The following MCTP2 variants were observed in gnomAD, a reference collection of about 807,000 sequenced individuals.
MCTP2 encodes multiple C2 and transmembrane domain-containing protein 2.
In MCTP2, 132 loss-of-function variants were observed where a neutral mutation model predicts 111.6. That is an observed-to-expected ratio of 1.18 (90% confidence interval 1.03 to 1.37). The LOEUF (loss-of-function observed/expected upper bound fraction) is 1.37. Ranked by LOEUF, MCTP2 falls within the 40% of genes most tolerant of loss-of-function variation. The probability of loss-of-function intolerance (pLI) is 0.00; values close to 1 mark genes in which losing one functional copy is unlikely to be tolerated. For missense variants in MCTP2, 1,183 were observed against 1,067.9 expected, an observed-to-expected ratio of 1.11 and a Z score of -1.50; for synonymous variants, 395 against 387.7, an observed-to-expected ratio of 1.02 and a Z score of -0.22.
intron 12 of MCTP2, among the ~76,000 whole-genome samples, chr15:94,382,853 C>G (rs1031489598): frequency 1.3e-5 from 2 of 152,258 alleles, no homozygotes; most frequent in Admixed American, 6.5e-5. Context: ...GTCCTACGGA[C>G]ATTACGGAGC....
At chr15:94,378,359 C>CA (rs776082411) in intron 12 of MCTP2, among the ~76,000 whole-genome samples, 192 of 139,394 alleles carry the variant, frequency 1.4e-3, no homozygotes, top group South Asian at 8.1e-3. Context: ...TGATGTCTAC[C>CA]AAAAAAAAAA....
At chr15:94,318,272 ATTTTTTTTTTT>A (rs199556945) in intron 4 of MCTP2, among the ~76,000 whole-genome samples, 2 of 143,130 alleles carry the variant, frequency 1.4e-5, no homozygotes, top group African/African-American at 5.2e-5. Context: ...CAAAAAAAAA[ATTTTTTTTTTT>A]TTTTTTTTTT....
chr15:94,413,132 A>G (rs1054406235), intron 17 of MCTP2, among the ~76,000 whole-genome samples: 1 of 152,334 alleles, frequency 6.6e-6, no homozygotes, highest in East Asian at 1.9e-4. Flanking sequence ...GAGTTTACTT[A>G]AAGATAGTCC....
At chr15:94,302,620 G>A (rs1456742975) in intron 2 of MCTP2, among the ~76,000 whole-genome samples, 3 of 152,188 alleles carry the variant, frequency 2.0e-5, no homozygotes, top group African/African-American at 7.2e-5. Flanking sequence ...ATGTCTCATA[G>A]GAACCTGGTT....
At chr15:94,271,513 C>T (rs1012253480) in intron 1 of MCTP2, among the ~76,000 whole-genome samples, 4 of 152,058 alleles carry the variant, frequency 2.6e-5, no homozygotes, top group African/African-American at 7.2e-5. Context: ...GGTGTAATTG[C>T]TCTTTGGATA....
At chr15:94,244,209 CACAT>C (rs1428685941) in intron 1 of MCTP2, among the ~76,000 whole-genome samples, 8 of 142,484 alleles carry the variant, frequency 5.6e-5, no homozygotes, top group Non-Finnish European at 1.1e-4. Context: ...CACGTGTATA[CACAT>C]ACATATGTGT....
Position 94,370,196 on chromosome 15 carries a change from A to G in MCTP2, c.1582+16A>G. On this transcript the variant is annotated intron_variant, in intron 12 of 22. Coordinates refer to ENST00000357742, the MANE Select transcript of MCTP2 (RefSeq NM_001385001.1). ...GATTTCTCAGGTACAGGACATTTTCATTTTCTAATTTATCTTTATTTATTT... is the reference window on the plus strand; with the variant it reads ...GATTTCTCAGGTACAGGACATTTTCGTTTTCTAATTTATCTTTATTTATTT... The G allele has an allele frequency of 6.3e-7, 1 of 1,575,208 alleles. No individual in the cohort carries two copies. Among genetic ancestry groups the G allele is most frequent in the Non-Finnish European group, 8.6e-7 (1 of 1,156,888 alleles).
chr15:94,233,818 A>C (rs928160629), intron 1 of MCTP2, among the ~76,000 whole-genome samples: 12 of 152,228 alleles, frequency 7.9e-5, no homozygotes, highest in African/African-American at 2.9e-4. Context: ...TGAGTGAAAA[A>C]TAGTACTCTG....
At chr15:94,261,483 A>G (rs1250259111) in intron 1 of MCTP2, among the ~76,000 whole-genome samples, 1 of 152,200 alleles carries the variant, frequency 6.6e-6, no homozygotes, top group Non-Finnish European at 1.5e-5. Context: ...TGTATAAAGT[A>G]GGGGCTTTTA....
At chr15:94,296,473 A>G (rs750364940) in intron 1 of MCTP2, among the ~76,000 whole-genome samples, 1 of 152,220 alleles carries the variant, frequency 6.6e-6, no homozygotes, top group Non-Finnish European at 1.5e-5. Context: ...TCTGTGTATT[A>G]GTCCATTCAG....
intron 4 of MCTP2, 94 bp downstream of exon 4, chr15:94,315,731 C>T (rs780700713): frequency 4.0e-5 from 36 of 901,930 alleles, no homozygotes; most frequent in Non-Finnish European, 5.4e-5. Context: ...GACATCACAG[C>T]ATGGTTTAGG....
chr15:94,316,304 T>G (rs2076375325), intron 4 of MCTP2, among the ~76,000 whole-genome samples: 1 of 152,232 alleles, frequency 6.6e-6, no homozygotes, highest in Non-Finnish European at 1.5e-5. Context: ...TGGTAGCTGT[T>G]TTTTTCCTTC....
intron 2 of MCTP2, among the ~76,000 whole-genome samples, chr15:94,313,112 A>G (rs955382141): frequency 1.3e-5 from 2 of 152,076 alleles, no homozygotes; most frequent in African/African-American, 4.8e-5. Context: ...TTGGAGGGGA[A>G]ATTCCGTGGT....
At chr15:94,240,129 C>G (rs541227063) in intron 1 of MCTP2, among the ~76,000 whole-genome samples, 17 of 152,174 alleles carry the variant, frequency 1.1e-4, no homozygotes, top group African/African-American at 3.9e-4. Flanking sequence ...TTACAGGACA[C>G]ACAGATTTAG....
intron 20 of MCTP2, among the ~76,000 whole-genome samples, chr15:94,463,044 C>G (rs1304034128): frequency 6.6e-6 from 1 of 152,136 alleles, no homozygotes; most frequent in African/African-American, 2.4e-5. Flanking sequence ...GTCAACTGAC[C>G]TGGCTCTTAG....
chr15:94,385,371 A>G, intron 13 of MCTP2, 52 bp from the exon 14 acceptor site: 2 of 1,226,012 alleles, frequency 1.6e-6, no homozygotes, highest in Non-Finnish European at 2.4e-6. Flanking sequence ...TCTTCATGGA[A>G]CAGACTTCAC....
chr15:94,389,695 T>G (rs1014366682), intron 14 of MCTP2, among the ~76,000 whole-genome samples: 1 of 152,138 alleles, frequency 6.6e-6, no homozygotes, highest in African/African-American at 2.4e-5. Context: ...GGAGCCATAA[T>G]AATACCTTAT....
chr15:94,399,815 A>G (rs2081468540), intron 15 of MCTP2, 106 bp from the exon 16 acceptor site: 5 of 907,480 alleles, frequency 5.5e-6, no homozygotes, highest in Non-Finnish European at 9.1e-6. Flanking sequence ...TGCTAAGGTC[A>G]GAGTCAGAAG....
chr15:94,307,273 G>C (rs1379818703), intron 2 of MCTP2, among the ~76,000 whole-genome samples: 1 of 152,146 alleles, frequency 6.6e-6, no homozygotes, highest in Non-Finnish European at 1.5e-5. Flanking sequence ...GTAGGTGCTG[G>C]GGGGGAGGTG....
Sources: gnomAD v4.1 joint callset for allele counts (sites outside exome capture counted in the v4.1 genomes callset) on GRCh38, gnomAD v4.1.1 for gene constraint, MANE v1.5 for transcripts, NCBI Gene and HGNC (gene_info 2026-07-23, HGNC 2026-07-21) for gene names.